The following LINGO2 variants were observed in gnomAD, a reference collection of about 807,000 sequenced individuals.
The protein encoded by LINGO2 is leucine rich repeat and Ig domain containing 2.
LINGO2 carries 14 observed loss-of-function variants against 30.6 expected under a neutral mutation model. The observed-to-expected ratio is 0.46, with a 90% CI of 0.30 to 0.72. The LOEUF (loss-of-function observed/expected upper bound fraction) is 0.72, where lower values mean the gene tolerates loss of function less well. Among genes scored for constraint, LINGO2 ranks in the 30% least tolerant of loss-of-function variants. The pLI is 0.07. For missense variants in LINGO2, 729 were observed against 751.7 expected, an observed-to-expected ratio of 0.97 and a Z score of 0.35; for synonymous variants, 317 against 288.5, an observed-to-expected ratio of 1.10 and a Z score of -1.00.
At chr9:28,025,337 T>TAC (rs2119412178) in intron 4 of LINGO2, among the ~76,000 whole-genome samples, 1 of 152,342 alleles carries the variant, frequency 6.6e-6, no homozygotes, top group South Asian at 2.1e-4. Flanking sequence ...GAGACAGGCA[T>TAC]ACATAATTCA....
At chr9:28,486,530 C>T (rs1343119326) in intron 1 of LINGO2, among the ~76,000 whole-genome samples, 1 of 152,136 alleles carries the variant, frequency 6.6e-6, no homozygotes, top group Admixed American at 6.6e-5. Context: ...CACATACATA[C>T]ATATGTTCAT....
At chr9:28,736,669 G>A in the LINGO2 span, among the ~76,000 whole-genome samples, 2 of 152,002 alleles carry the variant, frequency 1.3e-5, no homozygotes, top group African/African-American at 2.4e-5. Context: ...GCAGGTGCCT[G>A]TAATCCCAGC....
the LINGO2 span, among the ~76,000 whole-genome samples, chr9:28,734,875 A>C: frequency 6.6e-6 from 1 of 152,174 alleles, no homozygotes; most frequent in Non-Finnish European, 1.5e-5. Flanking sequence ...GTAGAATTTC[A>C]TATCAATTGA....
At chr9:28,841,185 C>T in the LINGO2 span, among the ~76,000 whole-genome samples, 2 of 151,672 alleles carry the variant, frequency 1.3e-5, no homozygotes, top group Non-Finnish European at 2.9e-5. Context: ...AAATGCATGT[C>T]ATCAAAAGGT....
At chr9:28,144,261 C>G (rs1023398968) in intron 4 of LINGO2, among the ~76,000 whole-genome samples, 1 of 151,842 alleles carries the variant, frequency 6.6e-6, no homozygotes, top group Non-Finnish European at 1.5e-5. Flanking sequence ...AAAAATATAC[C>G]TTTTTCCAGA....
At chr9:28,086,934 GAA>G (rs1420030602) in intron 4 of LINGO2, among the ~76,000 whole-genome samples, 3 of 152,082 alleles carry the variant, frequency 2.0e-5, no homozygotes, top group Non-Finnish European at 4.4e-5. Context: ...ATATGACTTT[GAA>G]GTTATTTTCA....
intron 2 of LINGO2, among the ~76,000 whole-genome samples, chr9:28,400,563 G>C (rs1270212518): frequency 1.3e-5 from 2 of 152,172 alleles, no homozygotes; most frequent in Non-Finnish European, 2.9e-5. Context: ...ATGACTAAGG[G>C]ATGTAAAAGT....
At chr9:29,041,004 G>A in the LINGO2 span, among the ~76,000 whole-genome samples, 6,261 of 151,794 alleles carry the variant, frequency 0.041, 198 homozygotes, top group Admixed American at 0.083. Flanking sequence ...AAATAGAAAC[G>A]GTAAAATTAA....
chr9:28,541,972 G>A (rs1821720204), intron 1 of LINGO2, among the ~76,000 whole-genome samples: 1 of 152,098 alleles, frequency 6.6e-6, no homozygotes. Flanking sequence ...ACTGCAGACT[G>A]AAGCCATTAT....
intron 1 of LINGO2, among the ~76,000 whole-genome samples, chr9:28,635,208 T>A (rs573625623): frequency 1.3e-5 from 2 of 152,332 alleles, no homozygotes; most frequent in Admixed American, 1.3e-4. Flanking sequence ...TAACTGTCAC[T>A]TATAACCAAA....
the LINGO2 span, among the ~76,000 whole-genome samples, chr9:28,977,156 T>A: frequency 1.3e-5 from 2 of 151,998 alleles, no homozygotes; most frequent in African/African-American, 4.8e-5. Flanking sequence ...TGAGAAAAAA[T>A]TTACAAACAT....
chr9:29,169,970 G>C, the LINGO2 span, among the ~76,000 whole-genome samples: 2 of 149,450 alleles, frequency 1.3e-5, no homozygotes, highest in African/African-American at 5.1e-5. Flanking sequence ...ACTCCAGCCT[G>C]GGACAGAGCA....
chr9:28,254,608 C>T (rs1474444085), intron 4 of LINGO2, among the ~76,000 whole-genome samples: 1 of 152,074 alleles, frequency 6.6e-6, no homozygotes. Flanking sequence ...AGAAGGTTCA[C>T]TTCCATCATA....
chr9:28,881,167 A>C, the LINGO2 span, among the ~76,000 whole-genome samples: 2 of 151,642 alleles, frequency 1.3e-5, no homozygotes, highest in South Asian at 4.2e-4. Flanking sequence ...CTCTCATCCC[A>C]CCCGACTAGA....
chr9:28,902,777 C>CA, the LINGO2 span, among the ~76,000 whole-genome samples: 1 of 151,228 alleles, frequency 6.6e-6, no homozygotes, highest in African/African-American at 2.4e-5. Flanking sequence ...TCATTCTGAA[C>CA]AAAAAATGAG....
chr9:28,383,713 G>T (rs1312289963), intron 2 of LINGO2, among the ~76,000 whole-genome samples: 1 of 152,118 alleles, frequency 6.6e-6, no homozygotes, highest in African/African-American at 2.4e-5. Flanking sequence ...CTCTGTAAGA[G>T]CATCTGTATA....
the LINGO2 span, among the ~76,000 whole-genome samples, chr9:28,682,423 A>C: frequency 6.6e-6 from 1 of 152,170 alleles, no homozygotes; most frequent in Non-Finnish European, 1.5e-5. Flanking sequence ...AGGGGTCATA[A>C]CCAAAGTCTT....
the LINGO2 span, among the ~76,000 whole-genome samples, chr9:29,124,981 A>G: frequency 5.4e-3 from 818 of 152,324 alleles, 9 homozygotes; most frequent in African/African-American, 0.019. Flanking sequence ...TTGCAGCAGT[A>G]TGTACAATAG....
At chr9:29,035,510 G>A in the LINGO2 span, among the ~76,000 whole-genome samples, 1 of 149,426 alleles carries the variant, frequency 6.7e-6, no homozygotes, top group Non-Finnish European at 1.5e-5. Context: ...CATCTTTGCA[G>A]GTAGAGATGG....
Sources: gnomAD v4.1 joint callset for allele counts (sites outside exome capture counted in the v4.1 genomes callset) on GRCh38, gnomAD v4.1.1 for gene constraint, MANE v1.5 for transcripts, NCBI Gene and HGNC (gene_info 2026-07-23, HGNC 2026-07-21) for gene names.